Variants in ZNF469 observed in about 807,000 individuals in gnomAD.
ZNF469 encodes zinc finger protein 469.
In ZNF469, 1 loss-of-function variant was observed where a neutral mutation model predicts 1.0. The ratio of observed to expected loss-of-function variants is 1.00; its 90% confidence interval spans 0.35 to 4.73. The LOEUF (loss-of-function observed/expected upper bound fraction) is 4.73, where lower values mean the gene tolerates loss of function less well. ZNF469 is among the 30% of genes most tolerant of loss of function. The pLI is 0.16. For synonymous variants in ZNF469, 2,703 were observed against 2,363.4 expected (o/e 1.14, Z -4.17); for missense variants, 6,100 against 5,356.3 (o/e 1.14, Z -4.33).
the ZNF469 span, among the ~76,000 whole-genome samples, chr16:88,305,418 A>C: frequency 6.8e-6 from 1 of 148,002 alleles, no homozygotes; most frequent in Non-Finnish European, 1.5e-5. Context: ...ACAGGCACAC[A>C]TGCACGCCCT....
chr16:88,334,024 C>G, the ZNF469 span, among the ~76,000 whole-genome samples: 48 of 142,224 alleles, frequency 3.4e-4, no homozygotes, highest in African/African-American at 1.3e-3. Context: ...GTGTGTGTGT[C>G]TGTGTGTGCA....
At chr16:88,265,666 A>G in the ZNF469 span, among the ~76,000 whole-genome samples, 3 of 152,162 alleles carry the variant, frequency 2.0e-5, no homozygotes, top group African/African-American at 7.2e-5. Context: ...CCGTCTGTGA[A>G]GTGGGGCACA....
chr16:88,363,255 T>C, the ZNF469 span, among the ~76,000 whole-genome samples: 1 of 152,226 alleles, frequency 6.6e-6, no homozygotes, highest in African/African-American at 2.4e-5. Context: ...TGGGTTTTTG[T>C]TGCTGTTGTT....
At chr16:88,137,627 G>A in the ZNF469 span, among the ~76,000 whole-genome samples, 16 of 151,186 alleles carry the variant, frequency 1.1e-4, no homozygotes, top group African/African-American at 3.9e-4. Flanking sequence ...TACCACCACG[G>A]TGTGTGCACA....
At chr16:88,323,842 G>T in the ZNF469 span, among the ~76,000 whole-genome samples, 1 of 152,208 alleles carries the variant, frequency 6.6e-6, no homozygotes, top group Non-Finnish European at 1.5e-5. Flanking sequence ...CCTGCAAAAG[G>T]GTGTTGTGTG....
chr16:88,297,137 A>G, the ZNF469 span, among the ~76,000 whole-genome samples: 1 of 152,216 alleles, frequency 6.6e-6, no homozygotes, highest in Admixed American at 6.5e-5. Context: ...TTTCGGCTCT[A>G]GCCTCGAAAC....
the ZNF469 span, among the ~76,000 whole-genome samples, chr16:88,241,306 C>G: frequency 1.3e-5 from 2 of 151,680 alleles, no homozygotes; most frequent in South Asian, 4.2e-4. This position sits in a 1 kb window ranked among gnomAD's most constrained non-coding sequence, Gnocchi z 4.8. Context: ...TTGCAGTGAG[C>G]CAAGATCGCG....
chr16:88,422,593 T>C (rs1374201899), intron 1 of ZNF469, among the ~76,000 whole-genome samples: 31 of 127,724 alleles, frequency 2.4e-4, no homozygotes, highest in Middle Eastern at 0.013. Context: ...GGGTGGATGA[T>C]TGGGTGGAAG....
the ZNF469 span, among the ~76,000 whole-genome samples, chr16:88,339,807 G>A: frequency 8.2e-6 from 1 of 121,466 alleles, no homozygotes; most frequent in African/African-American, 3.1e-5. Context: ...GGGACATGGT[G>A]GCAGGGGGAC....
At chr16:88,239,667 GTATATATATATATATATATATATATATA>G in the ZNF469 span, among the ~76,000 whole-genome samples, 345 of 28,192 alleles carry the variant, frequency 0.012, 43 homozygotes, top group African/African-American at 0.024. Flanking sequence ...TTTTTTTTTT[GTATATATATATATATATATATATATATA>G]TATATATATA....
chr16:88,117,661 A>ACCGTGGGAAAGTGCCACGTGTCTTCACAG, the ZNF469 span, among the ~76,000 whole-genome samples: 2 of 150,388 alleles, frequency 1.3e-5, no homozygotes, highest in South Asian at 2.1e-4. Context: ...TGTCTTCACA[A>ACCGTGGGAAAGTGCCACGTGTCTTCACAG]ACCGTGGAGG....
chr16:88,168,483 T>C, the ZNF469 span, among the ~76,000 whole-genome samples: 2 of 152,300 alleles, frequency 1.3e-5, no homozygotes, highest in South Asian at 4.1e-4. The surrounding 1 kb of genome is among the most constrained non-coding windows in gnomAD (Gnocchi z 4.3). Context: ...TCATGTGTGA[T>C]TGTGACCTTG....
At chr16:88,301,130 A>G in the ZNF469 span, among the ~76,000 whole-genome samples, 1 of 151,482 alleles carries the variant, frequency 6.6e-6, no homozygotes, top group Non-Finnish European at 1.5e-5. Flanking sequence ...AGAGGATGGA[A>G]GATAACTCCG....
chr16:88,185,089 A>T, the ZNF469 span, among the ~76,000 whole-genome samples: 4 of 55,002 alleles, frequency 7.3e-5, no homozygotes, highest in Admixed American at 3.6e-4. Context: ...GCACACCTAG[A>T]CATGGGTACT....
chr16:88,286,953 C>A, the ZNF469 span, among the ~76,000 whole-genome samples: 3 of 152,146 alleles, frequency 2.0e-5, no homozygotes, highest in Non-Finnish European at 4.4e-5. Context: ...GTGTATGAGA[C>A]CATCTGACTA....
the ZNF469 span, among the ~76,000 whole-genome samples, chr16:88,301,713 C>A: frequency 6.6e-6 from 1 of 152,218 alleles, no homozygotes; most frequent in African/African-American, 2.4e-5. Flanking sequence ...TGGGGCAGGG[C>A]CAGCTTTGTC....
the ZNF469 span, among the ~76,000 whole-genome samples, chr16:88,249,348 C>A: frequency 9.2e-5 from 14 of 151,708 alleles, no homozygotes; most frequent in Non-Finnish European, 1.8e-4. Flanking sequence ...CCACTTTAGC[C>A]TCCCAAGCAG....
At chr16:88,247,336 GTGAA>G in the ZNF469 span, among the ~76,000 whole-genome samples, 2 of 126,588 alleles carry the variant, frequency 1.6e-5, no homozygotes, top group African/African-American at 6.6e-5. Context: ...TGGTGAATGA[GTGAA>G]TGAGTGAGTG....
the ZNF469 span, among the ~76,000 whole-genome samples, chr16:88,271,792 C>T: frequency 6.0e-5 from 9 of 150,180 alleles, no homozygotes; most frequent in South Asian, 2.1e-4. Flanking sequence ...AGATTCTAGA[C>T]GTGGCAGGGC....
Sources: gnomAD v4.1 joint callset for allele counts (sites outside exome capture counted in the v4.1 genomes callset) on GRCh38, gnomAD v4.1.1 for gene constraint, Gnocchi (gnomAD v3.1) non-coding constraint, MANE v1.5 for transcripts, NCBI Gene and HGNC (gene_info 2026-07-23, HGNC 2026-07-21) for gene names.